Variants in NAV2 observed in about 807,000 individuals in gnomAD.
NAV2 encodes the protein neuron navigator 2.
Under a neutral mutation model 223.2 loss-of-function variants are expected in NAV2, and 54 were observed. That is an observed-to-expected ratio of 0.24 (90% CI 0.19 to 0.30). The LOEUF (loss-of-function observed/expected upper bound fraction) is 0.30. NAV2 is among the 10% of genes least tolerant of loss of function. NAV2 has a pLI of 1.00. For missense variants in NAV2, 2,806 were observed against 3,147.5 expected, an observed-to-expected ratio of 0.89 and a Z score of 2.60; for synonymous variants, 1,279 against 1,239.3, an observed-to-expected ratio of 1.03 and a Z score of -0.67.
chr11:19,424,024 G>A (rs1210163990), intron 1 of NAV2, among the ~76,000 whole-genome samples: 1 of 152,210 alleles, frequency 6.6e-6, no homozygotes, highest in Non-Finnish European at 1.5e-5. Flanking sequence ...TCCTTTGAAA[G>A]GGAGTGAACT....
Position 19,907,407 on chromosome 11 carries a change from G to A in NAV2, c.931+14813G>A, listed in dbSNP as rs187113449. On this transcript the variant is annotated intron_variant, in intron 6 of 37. Transcript: ENST00000349880. ...ACTGAATGACCTTCACTGAAAGGAC[G>A]ACTTTTAGCAAATGCACACTTGACA... Among the ~76,000 whole-genome samples the A allele has an allele frequency of 5.4e-3, 816 of 152,252 alleles. 8 individuals are homozygous for A. The highest frequency in any genetic ancestry group is 0.017 in the African/African-American group (721 of 41,532).
At chr11:19,671,155 T>A (rs1029424621) in intron 1 of NAV2, among the ~76,000 whole-genome samples, 4 of 152,256 alleles carry the variant, frequency 2.6e-5, no homozygotes, top group Non-Finnish European at 5.9e-5. Flanking sequence ...GGTTGCCATG[T>A]ATCTCTGATC....
At chr11:19,815,351 C>T (rs1297933301) in intron 1 of NAV2, among the ~76,000 whole-genome samples, 1 of 152,112 alleles carries the variant, frequency 6.6e-6, no homozygotes, top group East Asian at 1.9e-4. Flanking sequence ...TGGGGATGTC[C>T]CTGAGTTCTC....
At chr11:19,771,455 G>A (rs150629151) in intron 1 of NAV2, among the ~76,000 whole-genome samples, 158 of 152,244 alleles carry the variant, frequency 1.0e-3, no homozygotes, top group African/African-American at 3.7e-3. Context: ...CTTCCATGCT[G>A]AGGGAACAGC....
intron 22 of NAV2, among the ~76,000 whole-genome samples, chr11:20,071,615 C>T (rs2059409090): frequency 7.0e-6 from 1 of 143,554 alleles, no homozygotes; most frequent in Admixed American, 6.9e-5. Context: ...CACATCCTCT[C>T]CAGCATCTGT....
At chr11:19,654,044 C>G (rs557044574) in intron 1 of NAV2, among the ~76,000 whole-genome samples, 2 of 152,166 alleles carry the variant, frequency 1.3e-5, no homozygotes, top group Non-Finnish European at 1.5e-5. Context: ...TCAGCAAAGT[C>G]TCAGGATACA....
rs537408863 is a variant in NAV2 at position 19,668,951 on chromosome 11, C to A, written c.76-163533C>A. ...AGGCCTATGGGAGACAATTAGGAAA[C>A]CTTGGATTTTCATCTCTTGTCCATT... On this transcript the variant is annotated intron_variant, in intron 1 of 37. Transcript: ENST00000360655. 1.9e-4 allele frequency among the ~76,000 whole-genome samples: 29 copies of A among 152,266 alleles called. No homozygotes were observed. In the South Asian group the frequency reaches 4.6e-3, roughly 24 times the overall value.
rs2058336649 is a variant in NAV2, at chr11:20,055,908, G to A, written c.4782G>A (p.Lys1594=). Residue 1594 remains lysine, a synonymous_variant, in exon 19 of 38, where the codon AAG becomes AAA. Coordinates refer to ENST00000349880, the MANE Select transcript of NAV2 (RefSeq NM_145117.5). The part of the protein sequence containing the change: ...FRNSSMSLDE[K]SRTMSRSGSF... Reference sequence around the variant, plus strand: ...ATAGCTCCATGTCCCTGGATGAGAAGAGCAGAACCATGAGCCGTTCAGGCT... The same window carrying A: ...ATAGCTCCATGTCCCTGGATGAGAAAAGCAGAACCATGAGCCGTTCAGGCT... 2 of 1,614,184 alleles carry A rather than the reference G, an allele frequency of 1.2e-6. No homozygotes were observed. The highest frequency in any genetic ancestry group is 1.1e-5 in the South Asian group (1 of 91,086).
intron 17 of NAV2, among the ~76,000 whole-genome samples, chr11:20,052,331 G>C (rs998723505): frequency 6.6e-6 from 1 of 152,222 alleles, no homozygotes; most frequent in African/African-American, 2.4e-5. Flanking sequence ...CCAGTTCTAA[G>C]AATCTAAGAA....
chr11:20,047,924 A>T (rs2057610630), intron 14 of NAV2, among the ~76,000 whole-genome samples: 1 of 152,212 alleles, frequency 6.6e-6, no homozygotes, highest in Non-Finnish European at 1.5e-5. Flanking sequence ...TGACTTAAAG[A>T]TAATTTCAAC....
chr11:19,718,400 C>G (rs1424799860), intron 1 of NAV2, among the ~76,000 whole-genome samples: 2 of 152,126 alleles, frequency 1.3e-5, no homozygotes. Context: ...AGCTGGTGTT[C>G]AAGTTGCACC....
chr11:19,869,182 G>A (rs2062294683), intron 4 of NAV2, among the ~76,000 whole-genome samples, 185 bp downstream of exon 4: 1 of 152,182 alleles, frequency 6.6e-6, no homozygotes. Context: ...CAAGAATGTG[G>A]ATTCAACCAT....
chr11:19,949,116 AAG>A, intron 10 of NAV2, 36 bp downstream of exon 10: 1 of 1,542,722 alleles, frequency 6.5e-7, no homozygotes, highest in Non-Finnish European at 8.7e-7. Context: ...CCCAGAGAGA[AAG>A]AGGGCTTGGC....
intron 1 of NAV2, chr11:19,518,482 G>A (rs2043533680): frequency 6.6e-6 from 1 of 152,300 alleles, no homozygotes; most frequent in African/African-American, 2.4e-5. Context: ...CAGATGTAGA[G>A]TTGTTCTCCC....
At chr11:19,610,081 G>A (rs535594094) in intron 1 of NAV2, among the ~76,000 whole-genome samples, 1 of 152,132 alleles carries the variant, frequency 6.6e-6, no homozygotes, top group Non-Finnish European at 1.5e-5. Context: ...GCCATTCCTC[G>A]AGCAGAAAGA....
intron 31 of NAV2, among the ~76,000 whole-genome samples, chr11:20,098,651 A>G (rs1336705872): frequency 6.6e-6 from 1 of 152,258 alleles, no homozygotes; most frequent in Non-Finnish European, 1.5e-5. Context: ...AGGAATTAAG[A>G]TCTTGCTCTG....
intron 1 of NAV2, among the ~76,000 whole-genome samples, chr11:19,597,035 A>C (rs1164914734): frequency 1.3e-5 from 2 of 152,202 alleles, no homozygotes; most frequent in Non-Finnish European, 2.9e-5. Context: ...GCTGTATTGC[A>C]TGCAAGAATG....
intron 11 of NAV2, among the ~76,000 whole-genome samples, chr11:20,009,383 G>A (rs1327468998): frequency 6.6e-6 from 1 of 152,278 alleles, no homozygotes; most frequent in South Asian, 2.1e-4. Context: ...GAAGGCAGGT[G>A]CTCGTTGAAC....
intron 1 of NAV2, among the ~76,000 whole-genome samples, chr11:19,461,482 TTAA>T (rs1852158483): frequency 6.6e-6 from 1 of 152,206 alleles, no homozygotes. Context: ...CTTAAAATAC[TTAA>T]TAAGTTTCTA....
Sources: allele counts gnomAD v4.1 joint callset (sites outside exome capture counted in the v4.1 genomes callset), GRCh38; gene constraint gnomAD v4.1.1; transcripts MANE v1.5; gene names NCBI Gene and HGNC (gene_info 2026-07-23, HGNC 2026-07-21).